ADARB2: variants seen among roughly 807,000 people sequenced by gnomAD.
ADARB2 encodes the protein adenosine deaminase RNA specific B2 (inactive), also known as inactive double-stranded RNA-specific editase B2.
In ADARB2, 25 loss-of-function variants were observed where a neutral mutation model predicts 62.2. The observed-to-expected ratio is 0.40, with a 90% CI of 0.29 to 0.56. The LOEUF is 0.56. ADARB2 is among the 20% of genes least tolerant of loss of function. ADARB2 has a pLI of 0.43. For missense variants in ADARB2, 1,071 were observed against 1,077.4 expected, an observed-to-expected ratio of 0.99 and a Z score of 0.08; for synonymous variants, 572 against 500.8, an observed-to-expected ratio of 1.14 and a Z score of -1.90.
intron 1 of ADARB2, among the ~76,000 whole-genome samples, chr10:1,456,759 A>G (rs1171735346): frequency 6.6e-6 from 1 of 152,168 alleles, no homozygotes; most frequent in Non-Finnish European, 1.5e-5. Context: ...AGACTTCTGT[A>G]AGAAAATAGG....
At chr10:1,347,385 T>C (rs1436072450) in intron 3 of ADARB2, among the ~76,000 whole-genome samples, 2 of 152,188 alleles carry the variant, frequency 1.3e-5, no homozygotes, top group Non-Finnish European at 2.9e-5. Flanking sequence ...TCCCAGCTGC[T>C]CTGTGAGCGA....
At chr10:1,470,127 C>CATCTGACCTGACCCTCTCCCAGT (rs1831302507) in intron 1 of ADARB2, among the ~76,000 whole-genome samples, 1 of 80,362 alleles carries the variant, frequency 1.2e-5, no homozygotes, top group Admixed American at 1.2e-4. Context: ...CCTCTCCCAG[C>CATCTGACCTGACCCTCTCCCAGT]TGCGTCCATC....
At chr10:1,253,470 C>G (rs181895383) in intron 4 of ADARB2, among the ~76,000 whole-genome samples, 1 of 152,346 alleles carries the variant, frequency 6.6e-6, no homozygotes, top group East Asian at 1.9e-4. Context: ...AGGATGAGCA[C>G]TCGCTTGCTT....
intron 1 of ADARB2, among the ~76,000 whole-genome samples, chr10:1,529,957 C>T (rs909340647): frequency 2.0e-5 from 3 of 151,374 alleles, no homozygotes; most frequent in Admixed American, 2.0e-4. Flanking sequence ...GCCCCTGCCA[C>T]TGTGGGCACC....
chr10:1,326,455 T>A (rs1186906868), intron 3 of ADARB2, among the ~76,000 whole-genome samples: 1 of 152,242 alleles, frequency 6.6e-6, no homozygotes, highest in East Asian at 1.9e-4. Context: ...ACGAGGGAGA[T>A]GACCCTGTGC....
At chr10:1,308,781 G>A (rs1589188008) in intron 3 of ADARB2, among the ~76,000 whole-genome samples, 1 of 152,204 alleles carries the variant, frequency 6.6e-6, no homozygotes, top group African/African-American at 2.4e-5. Flanking sequence ...AGGTCAGGGA[G>A]CTCTTTAACA....
At chr10:1,441,085 G>A (rs1414959817) in intron 1 of ADARB2, among the ~76,000 whole-genome samples, 2 of 152,184 alleles carry the variant, frequency 1.3e-5, no homozygotes, top group Non-Finnish European at 2.9e-5. Context: ...AGGACTGTCA[G>A]GTAGACCAGA....
rs1836963756 is a variant in ADARB2 at position 1,200,062 on chromosome 10, G to C, written c.1768C>G (p.His590Asp). 2 of 1,589,496 alleles carry C rather than the reference G, an allele frequency of 1.3e-6. No individual in the cohort carries two copies. Among genetic ancestry groups the C allele is most frequent in the South Asian group, 2.3e-5 (2 of 87,600 alleles). Reference protein sequence around the residue: ...YLQSIVVGSLHHTGHLARVMS... With the variant: ...YLQSIVVGSLDHTGHLARVMS... ...ACGCGTGCGAGGTGGCCCGTGTGGTGCAGGCTGCCCACCACGATGCTCTGC... is the reference window on the plus strand; with the variant it reads ...ACGCGTGCGAGGTGGCCCGTGTGGTCCAGGCTGCCCACCACGATGCTCTGC... Residue 590 changes from histidine to aspartate, a missense_variant, in exon 8 of 10, where the codon CAC (histidine) becomes GAC (aspartate). His to Asp is a moderately conservative substitution (Grantham distance 81). Coordinates refer to ENST00000381312, the MANE Select transcript of ADARB2 (RefSeq NM_018702.4).
intron 1 of ADARB2, among the ~76,000 whole-genome samples, chr10:1,484,793 G>A (rs983885929): frequency 6.6e-6 from 1 of 152,114 alleles, no homozygotes; most frequent in Non-Finnish European, 1.5e-5. Context: ...TACAAATGCA[G>A]GTACCCATGT....
intron 1 of ADARB2, among the ~76,000 whole-genome samples, chr10:1,419,922 T>C (rs1297920366): frequency 6.6e-6 from 1 of 152,246 alleles, no homozygotes; most frequent in Non-Finnish European, 1.5e-5. Flanking sequence ...TCAGAGTCTC[T>C]CTGGACATCA....
At chr10:1,610,528 T>G (rs908836166) in intron 1 of ADARB2, among the ~76,000 whole-genome samples, 1 of 152,286 alleles carries the variant, frequency 6.6e-6, no homozygotes, top group South Asian at 2.1e-4. Flanking sequence ...ACCTGAGTCA[T>G]TGATGTGGGG....
intron 1 of ADARB2, among the ~76,000 whole-genome samples, chr10:1,516,510 C>G (rs1021089136): frequency 2.0e-5 from 3 of 151,556 alleles, no homozygotes. Context: ...CTGCTCTGTG[C>G]GGGCTGCTCT....
rs1416103751 is a variant in ADARB2 at position 1,363,349 on chromosome 10, C to T, written c.756G>A (p.Gly252=). 9 of 1,274,578 alleles carry T rather than the reference C, an allele frequency of 7.1e-6. No individual in the cohort carries two copies. In the Admixed American group the frequency reaches 3.9e-4, roughly 55 times the overall value. 79.0% of individuals were successfully genotyped at this position (1,274,578 alleles called of 1,614,324 possible). Residue 252 remains glycine (G), a synonymous_variant, in exon 3 of 10, where the codon GGG becomes GGA. Transcript: ENST00000381312. ...GCGCGCGGCACAGCAGCCGCCGTCGCCCGTAGGCCGCGGACAGAAGCGCGG... is the reference window on the plus strand; with the variant it reads ...GCGCGCGGCACAGCAGCCGCCGTCGTCCGTAGGCCGCGGACAGAAGCGCGG... The part of the protein sequence containing the change: ...GDAALLSAAY[G]RRRLLCRALD...
chr10:1,622,979 A>G (rs992414949), intron 1 of ADARB2, among the ~76,000 whole-genome samples: 11 of 152,188 alleles, frequency 7.2e-5, no homozygotes, highest in Non-Finnish European at 1.6e-4. Context: ...AAACCTTAGA[A>G]TAGCATTCCG....
chr10:1,293,429 C>T (rs1589181631), intron 3 of ADARB2, among the ~76,000 whole-genome samples: 1 of 152,204 alleles, frequency 6.6e-6, no homozygotes, highest in East Asian at 1.9e-4. Flanking sequence ...GCCCCGTCCT[C>T]CTCTGCCTTT....
At chr10:1,701,762 A>C (rs61831992) in intron 1 of ADARB2, among the ~76,000 whole-genome samples, 283 of 6,846 alleles carry the variant, frequency 0.041, no homozygotes, top group African/African-American at 0.046. Context: ...ACCAGGCGCT[A>C]GTCAATACAC....
intron 1 of ADARB2, among the ~76,000 whole-genome samples, chr10:1,582,835 G>A (rs1057413608): frequency 6.6e-6 from 1 of 152,170 alleles, no homozygotes; most frequent in Non-Finnish European, 1.5e-5. Context: ...TCCTCGTAGT[G>A]CCCTTCAGCA....
At chr10:1,617,554 C>G (rs940192839) in intron 1 of ADARB2, among the ~76,000 whole-genome samples, 7 of 132,452 alleles carry the variant, frequency 5.3e-5, no homozygotes, top group African/African-American at 2.0e-4. Context: ...TACATTCTGT[C>G]GCTAGATGTT....
intron 1 of ADARB2, among the ~76,000 whole-genome samples, chr10:1,588,586 G>A (rs1423397882): frequency 6.6e-6 from 1 of 152,102 alleles, no homozygotes; most frequent in Non-Finnish European, 1.5e-5. Flanking sequence ...CTGGAACATC[G>A]CCTGGATGAA....
Sources: gnomAD v4.1 joint callset for allele counts (sites outside exome capture counted in the v4.1 genomes callset) on GRCh38, gnomAD v4.1.1 for gene constraint, MANE v1.5 for transcripts, NCBI Gene and HGNC (gene_info 2026-07-23, HGNC 2026-07-21) for gene names.